PUDP: variants seen among roughly 807,000 people sequenced by gnomAD.
PUDP encodes the protein pseudouridine 5'-phosphatase.
A neutral mutation model predicts 9.4 loss-of-function variants in PUDP; 8 were observed. That is an observed-to-expected ratio of 0.85 (90% CI 0.50 to 1.53). The LOEUF is 1.53. Ranked by LOEUF, PUDP falls within the 40% of genes most tolerant of loss-of-function variation. PUDP has a pLI of 0.00. For synonymous variants in PUDP, 99 were observed against 80.7 expected (o/e 1.23, Z -1.22); for missense variants, 188 against 189.7 (o/e 0.99, Z 0.05).
chrX:6,757,863 T>C (rs1925186694), intron 3 of PUDP, among the ~76,000 whole-genome samples: 1 of 112,523 alleles, frequency 8.9e-6, no homozygotes. Context: ...GCTGCCACCT[T>C]TTCTGTAAGT....
At chrX:6,919,858 C>CAAAAAAAAAAAAAAAAAAAAAAAA (rs58441346) in intron 3 of PUDP, among the ~76,000 whole-genome samples, 1 of 26,491 alleles carries the variant, frequency 3.8e-5, no homozygotes, top group Non-Finnish European at 6.7e-5. Flanking sequence ...GACTCCATCT[C>CAAAAAAAAAAAAAAAAAAAAAAAA]AAAAAAAAAA....
intron 3 of PUDP, among the ~76,000 whole-genome samples, chrX:6,818,016 C>T (rs1472029478): frequency 8.9e-6 from 1 of 111,768 alleles, no homozygotes; most frequent in Admixed American, 9.6e-5. Context: ...TCGCTATTTC[C>T]ACCCTCCAAC....
At chrX:7,105,982 T>A (rs781592774) in intron 1 of PUDP, 144 bp from the exon 2 acceptor site, 2 of 430,946 alleles carry the variant, frequency 4.6e-6, no homozygotes, top group Admixed American at 9.0e-5. Context: ...GAGAAAGGCT[T>A]GCAGGTCATT....
Position 7,008,448 on chromosome X carries a change from G to A in PUDP, c.205-30105C>T, listed in dbSNP as rs992752485. Among the ~76,000 whole-genome samples the A allele has an allele frequency of 4.5e-5, 5 of 110,703 alleles. 1 individual carries two copies. The Admixed American group carries it at 4.8e-4, about 11-fold the overall frequency. The stretch of plus-strand genomic sequence containing the variant: ...GCCCAGGAACAGGTGGTGCTCTTCG[G>A]TGGTCAACACCAGGGTGGGTGGCTA... On this transcript the variant is annotated intron_variant and NMD_transcript_variant, in intron 1 of 3. Transcript: ENST00000655425.
intron 3 of PUDP, among the ~76,000 whole-genome samples, chrX:6,890,957 A>T (rs1927505234): frequency 1.0e-5 from 1 of 98,577 alleles, no homozygotes; most frequent in African/African-American, 3.7e-5. Flanking sequence ...AAAAAAAAAA[A>T]AAAAAAAAAT....
chrX:6,837,891 CAAA>C (rs60159618), intron 3 of PUDP, among the ~76,000 whole-genome samples: 240 of 98,931 alleles, frequency 2.4e-3, no homozygotes, highest in Non-Finnish European at 2.9e-3. Flanking sequence ...CTATTTCTAC[CAAA>C]AAAAAAAAAA....
chrX:7,137,995 G>C (rs1353036555), intron 1 of PUDP, among the ~76,000 whole-genome samples: 1 of 112,073 alleles, frequency 8.9e-6, no homozygotes, highest in Non-Finnish European at 1.9e-5. Flanking sequence ...GCTGGGGCTA[G>C]CATGAAGGTA....
At chrX:6,946,315 G>A (rs1928464065) in intron 3 of PUDP, among the ~76,000 whole-genome samples, 1 of 111,182 alleles carries the variant, frequency 9.0e-6, no homozygotes, top group Non-Finnish European at 1.9e-5. Flanking sequence ...GAATATCTGT[G>A]ATGCCTCTTA....
At chrX:7,104,662 G>A (rs1259729775) in intron 2 of PUDP, among the ~76,000 whole-genome samples, 1 of 111,590 alleles carries the variant, frequency 9.0e-6, no homozygotes, top group Non-Finnish European at 1.9e-5. Context: ...GACACTAGAT[G>A]CAGAGAACTG....
intron 1 of PUDP, among the ~76,000 whole-genome samples, chrX:7,024,955 C>G: frequency 9.1e-6 from 1 of 109,809 alleles, no homozygotes. Flanking sequence ...GTATCACATT[C>G]TGCCAGGACC....
chrX:6,734,452 A>G (rs1280648921), intron 3 of PUDP, among the ~76,000 whole-genome samples: 1 of 112,337 alleles, frequency 8.9e-6, no homozygotes, highest in Admixed American at 9.4e-5. Flanking sequence ...TGCCTCATAA[A>G]CATATACAAT....
chrX:6,970,442 C>T (rs1928855856), intron 3 of PUDP, among the ~76,000 whole-genome samples: 2 of 110,934 alleles, frequency 1.8e-5, no homozygotes, highest in South Asian at 3.8e-4. Context: ...AGGGGGTTGC[C>T]GGATGGATGA....
intron 3 of PUDP, among the ~76,000 whole-genome samples, chrX:6,834,300 T>C (rs986556950): frequency 8.9e-6 from 1 of 111,917 alleles, no homozygotes; most frequent in African/African-American, 3.2e-5. Context: ...GTGCTGACTT[T>C]ATTGCTTTCT....
chrX:7,043,255 C>A (rs1473088255), intron 1 of PUDP, among the ~76,000 whole-genome samples: 1 of 111,492 alleles, frequency 9.0e-6, no homozygotes, highest in Non-Finnish European at 1.9e-5. Flanking sequence ...GTGTTTGGGT[C>A]ATGGAGGCAG....
chrX:6,874,215 C>T, intron 3 of PUDP, among the ~76,000 whole-genome samples: 1 of 111,073 alleles, frequency 9.0e-6, no homozygotes, highest in African/African-American at 3.3e-5. Flanking sequence ...TACCTTTTTG[C>T]CCCTTTTAGG....
chrX:6,883,373 T>C (rs1927375319), intron 3 of PUDP, among the ~76,000 whole-genome samples: 1 of 109,446 alleles, frequency 9.1e-6, no homozygotes, highest in African/African-American at 3.3e-5. Context: ...AATACAAAAA[T>C]TGGTTGGGCA....
At chrX:6,724,595 G>A (rs1046696983), upstream of PUDP, among the ~76,000 whole-genome samples, 2 of 109,120 alleles carry the variant, frequency 1.8e-5, no homozygotes, top group East Asian at 5.8e-4. Flanking sequence ...GCAAGGTTAA[G>A]TGAAATTTGT....
At chrX:6,941,938 A>C (rs1242226701) in intron 3 of PUDP, among the ~76,000 whole-genome samples, 1 of 112,067 alleles carries the variant, frequency 8.9e-6, no homozygotes, top group Non-Finnish European at 1.9e-5. Flanking sequence ...CTTACGTGAA[A>C]CAACTCAGAA....
At chrX:6,754,524 G>A (rs5989566) in intron 3 of PUDP, among the ~76,000 whole-genome samples, 18,143 of 108,832 alleles carry the variant, frequency 0.17, 1,503 homozygotes, top group African/African-American at 0.32. Flanking sequence ...ACTCATATAT[G>A]TCATACATTA....
Sources: allele counts gnomAD v4.1 joint callset (sites outside exome capture counted in the v4.1 genomes callset), GRCh38; gene constraint gnomAD v4.1.1; transcripts MANE v1.5; gene names NCBI Gene and HGNC (gene_info 2026-07-23, HGNC 2026-07-21).